GREP1: variants seen among roughly 807,000 people sequenced by gnomAD.
GREP1 encodes glycine rich extracellular protein 1.
chr16:3,001,521 G>C (rs2072462132), intron 34 of GREP1, 40 bp from the exon 29 acceptor site: 3 of 398,992 alleles, frequency 7.5e-6, no homozygotes, highest in Non-Finnish European at 1.3e-5. Context: ...GGCCTCACCA[G>C]GGCCCCGCCC....
intron 34 of GREP1, 41 bp downstream of exon 28, chr16:3,001,375 C>T (rs1029061073): frequency 3.5e-5 from 14 of 398,950 alleles, no homozygotes; most frequent in Non-Finnish European, 5.3e-5. Context: ...TGCCCAAAGG[C>T]CCCCCGTGGT....
At chr16:2,994,124 G>C (rs2072412595) in intron 10 of GREP1, 1 of 152,522 alleles carries the variant, frequency 6.6e-6, no homozygotes, top group East Asian at 1.9e-4. Context: ...TTAGGAGGCA[G>C]TGGAGGCCAG....
intron 31 of GREP1, chr16:3,000,505 G>A (rs1053163308): frequency 2.5e-6 from 1 of 399,122 alleles, no homozygotes; most frequent in Non-Finnish European, 4.4e-6. Flanking sequence ...GTGGAGTGGG[G>A]GAGACAACAG....
At position 2,994,278 on chromosome 16, in the gene GREP1, C is replaced by T. The variant is rs576216334; in HGVS notation, c.386-420C>T. ...ATCCCAGCACTTTGGGAGGCCTAGG[C>T]GGGCGGATCACTTGAGGTCAGGAGT... On this transcript the variant is annotated intron_variant, in intron 10 of 34. Coordinates refer to ENST00000573315, the Ensembl canonical transcript of GREP1. 2.9e-3 allele frequency: 449 copies of T among 153,468 alleles called. 1 individual carries two copies. The highest frequency in any genetic ancestry group is 5.1e-3 in the Non-Finnish European group (352 of 68,894). The allele number at this position is 153,468 out of a possible 1,614,324, so 9.5% of individuals were successfully genotyped here.
intron 18 of GREP1, 101 bp from the exon 18 acceptor site, chr16:2,996,395 C>T (rs992085449): frequency 7.5e-6 from 3 of 397,946 alleles, no homozygotes; most frequent in Middle Eastern, 6.3e-4. Context: ...AGCCAGGCCC[C>T]CTCCCAGGGC....
At position 2,992,391 on chromosome 16, in the gene GREP1, T is replaced by G; in HGVS notation, c.323-414T>G. 1 of 157,238 alleles carries G rather than the reference T, an allele frequency of 6.4e-6. No individual in the cohort carries two copies. The highest frequency in any genetic ancestry group is 1.4e-5 in the Non-Finnish European group (1 of 71,576). The allele number at this position is 157,238 out of a possible 1,614,324, so 9.7% of individuals were successfully genotyped here. On this transcript the variant is annotated intron_variant, in intron 8 of 34. Coordinates refer to ENST00000573315, the Ensembl canonical transcript of GREP1. The surrounding 1 kb of genome is among the most constrained non-coding windows in gnomAD (Gnocchi z 4.9). ...CCCAGATCCACCCCTCACACACTGCTTCTCCTCCCAGGATACAACAATGGA... is the reference window on the plus strand; with the variant it reads ...CCCAGATCCACCCCTCACACACTGCGTCTCCTCCCAGGATACAACAATGGA...
rs751496152 is a variant in GREP1 at position 2,992,817 on chromosome 16, A to G, written c.335A>G (p.Gln112Arg). The G allele has an allele frequency of 5.0e-6, 2 of 399,050 alleles. No homozygotes were observed. The highest frequency in any genetic ancestry group is 2.1e-5 in the African/African-American group (1 of 48,642). 24.7% of individuals were successfully genotyped at this position (399,050 alleles called of 1,614,324 possible). A position where few individuals can be genotyped will look rare whatever the true frequency, so the allele number is the denominator to read the frequency against. ...TGCCCTCAAACAGGTCCTGCCGCTCAAAATGGCTTTGGACCAGGTAAAGAG... is the reference window on the plus strand; with the variant it reads ...TGCCCTCAAACAGGTCCTGCCGCTCGAAATGGCTTTGGACCAGGTAAAGAG... Residue 112 changes from glutamine to arginine, a missense_variant, in exon 9 of 35, where the codon CAA becomes CGA. Transcript: ENST00000573315. The surrounding 1 kb of genome is among the most constrained non-coding windows in gnomAD (Gnocchi z 4.9).
Position 2,988,579 on chromosome 16 carries a change from TGCTTCCGCAGG to T in GREP1, c.68-7_71del. ...CCCCAGCCTTGAGTCAGCACTGTCTTGCTTCCGCAGGGCTGCCCCTTCTGCCTCCTGGCCTG... is the reference window on the plus strand; with the variant it reads ...CCCCAGCCTTGAGTCAGCACTGTCTTGCTGCCCCTTCTGCCTCCTGGCCTG... On this transcript the variant is annotated splice_acceptor_variant and splice_polypyrimidine_tract_variant and coding_sequence_variant and intron_variant, in exon 2 of 35. Transcript: ENST00000573315. LOFTEE classifies it high-confidence loss of function. The T allele has an allele frequency of 2.5e-6, 1 of 399,164 alleles. No homozygotes were observed. Among genetic ancestry groups the T allele is most frequent in the African/African-American group, 2.1e-5 (1 of 48,742 alleles). 24.7% of individuals were successfully genotyped at this position (399,164 alleles called of 1,614,324 possible).
chr16:2,996,760 G>A, intron 20 of GREP1, 55 bp downstream of exon 19: 3 of 398,846 alleles, frequency 7.5e-6, no homozygotes, highest in Non-Finnish European at 1.3e-5. Context: ...TGGTGTTCTA[G>A]CTGGGTCTGC....
chr16:2,997,011 G>A (rs539259024), exon 21 of GREP1: 77 of 399,230 alleles, frequency 1.9e-4, no homozygotes, highest in Non-Finnish European at 3.0e-4. Flanking sequence ...GGTCCAGAGC[G>A]GAGGCCTTGG....
At chr16:2,990,250 G>C (rs989889281) in intron 5 of GREP1, 128 bp downstream of exon 5, 2 of 397,872 alleles carry the variant, frequency 5.0e-6, no homozygotes, top group South Asian at 1.4e-4. Context: ...TTAGTCCAAG[G>C]GGGGGTTCAA....
chr16:2,996,033 A>G, intron 18 of GREP1: 1 of 388,674 alleles, frequency 2.6e-6, no homozygotes, highest in Non-Finnish European at 4.5e-6. Flanking sequence ...CCTGGGTTCA[A>G]ACAATTCTCC....
chr16:2,997,752 C>A, intron 22 of GREP1, 51 bp from the exon 21 acceptor site: 1 of 398,482 alleles, frequency 2.5e-6, no homozygotes, highest in Non-Finnish European at 4.4e-6. Flanking sequence ...CTGGAAGAGA[C>A]CCCTCAGTGA....
rs1168495641 is a variant in GREP1 at position 2,999,960 on chromosome 16, T to TGGAGTTCCTCCCCTCCCTTCCC, written c.1231+18_1231+39dup. On this transcript the variant is annotated intron_variant, in intron 28 of 34. Coordinates refer to ENST00000573315, the Ensembl canonical transcript of GREP1. ...CAGAACCAGGTGAGGAGGCCCTTCC[T>TGGAGTTCCTCCCCTCCCTTCCC]GGAGTTCCTCCCCTCCCTTCCCTTC... 5.0e-6 allele frequency: 2 copies of TGGAGTTCCTCCCCTCCCTTCCC among 399,044 alleles called. No individual in the cohort carries two copies. The highest frequency in any genetic ancestry group is 4.1e-5 in the African/African-American group (2 of 48,632). 24.7% of individuals were successfully genotyped at this position (399,044 alleles called of 1,614,324 possible).
chr16:3,001,755 C>G, exon 35 of GREP1: 1 of 397,786 alleles, frequency 2.5e-6, no homozygotes, highest in Non-Finnish European at 4.4e-6. Flanking sequence ...GTGGCATGGG[C>G]CTGCAGCCAC....
At chr16:2,994,962 G>A (rs1054983640) in exon 13 of GREP1, 9 of 399,152 alleles carry the variant, frequency 2.3e-5, no homozygotes, top group Non-Finnish European at 3.5e-5. Flanking sequence ...AGCCCAGCCA[G>A]GTGAAGGGGG....
At chr16:3,000,284 T>C (rs1242645627) in intron 29 of GREP1, 166 bp downstream of exon 26, 1 of 399,268 alleles carries the variant, frequency 2.5e-6, no homozygotes, top group East Asian at 3.6e-5. Context: ...CCAATCTCTG[T>C]CCTGCAGGTT....
chr16:2,988,597 C>T (rs2072383052), exon 2 of GREP1: 2 of 399,098 alleles, frequency 5.0e-6, no homozygotes, highest in Admixed American at 4.4e-5. Context: ...CAGGGCTGCC[C>T]CTTCTGCCTC....
rs544738961 is a variant in GREP1 at position 2,989,600 on chromosome 16, G to A, written c.130+48G>A. On this transcript the variant is annotated intron_variant, in intron 3 of 34. Coordinates refer to ENST00000573315, the Ensembl canonical transcript of GREP1. The surrounding 1 kb of genome is among the most constrained non-coding windows in gnomAD (Gnocchi z 4.2). ...GAGGCGTCTGAGGGCAGGGCACGGG[G>A]CAGGGGGGAGGCAGGACAGGAACAG... is the stretch of plus-strand genomic sequence containing the variant. 5.4e-4 allele frequency: 217 copies of A among 400,494 alleles called. No individual in the cohort carries two copies. Among genetic ancestry groups the A allele is most frequent in the African/African-American group, 4.0e-3 (193 of 48,666 alleles). 24.8% of individuals were successfully genotyped at this position (400,494 alleles called of 1,614,324 possible).
Sources: gnomAD v4.1 joint callset for allele counts on GRCh38, gnomAD v4.1.1 for gene constraint, Gnocchi (gnomAD v3.1) non-coding constraint, MANE v1.5 for transcripts, NCBI Gene and HGNC (gene_info 2026-07-23, HGNC 2026-07-21) for gene names.